Variants in ZMAT3 observed in about 807,000 individuals in gnomAD.
ZMAT3 encodes the protein zinc finger matrin-type protein 3.
ZMAT3 carries 17 observed loss-of-function variants against 32.3 expected under a neutral mutation model. That is an observed-to-expected ratio of 0.53 (90% CI 0.36 to 0.79). The LOEUF (loss-of-function observed/expected upper bound fraction) is 0.79, where lower values mean the gene tolerates loss of function less well. ZMAT3 is among the 30% of genes least tolerant of loss of function. The pLI is 0.00. For synonymous variants in ZMAT3, 120 were observed against 133.1 expected (o/e 0.90, Z 0.68); for missense variants, 329 against 359.7 (o/e 0.91, Z 0.69).
chr3:179,060,821 G>A (rs1426961912), intron 2 of ZMAT3, among the ~76,000 whole-genome samples: 1 of 151,088 alleles, frequency 6.6e-6, no homozygotes, highest in Admixed American at 6.6e-5. Flanking sequence ...AAGCTTCCAG[G>A]GGAAAAAAAA....
Position 179,019,832 on chromosome 3 carries a change from C to T in ZMAT3, c.*5185G>A, listed in dbSNP as rs1718456069. On this transcript the variant is annotated 3_prime_UTR_variant, in exon 6 of 6. Coordinates refer to ENST00000311417, the MANE Select transcript of ZMAT3 (RefSeq NM_022470.4). ...GCTGCAAATACATAATTTTTCCCCT[C>T]TCTACAGAAGACAAGTTTGAAAATG... 6.6e-6 allele frequency: 1 copy of T among 152,134 alleles called. No homozygotes were observed. Among genetic ancestry groups the T allele is most frequent in the African/African-American group, 2.4e-5 (1 of 41,436 alleles). The allele number at this position is 152,134 out of a possible 1,614,324, so 9.4% of individuals were successfully genotyped here. A position where few individuals can be genotyped will look rare whatever the true frequency, so the allele number is the denominator to read the frequency against.
chr3:179,051,379 G>A (rs2108570340), intron 2 of ZMAT3, among the ~76,000 whole-genome samples: 1 of 152,070 alleles, frequency 6.6e-6, no homozygotes, highest in African/African-American at 2.4e-5. Context: ...ATCAAATCAA[G>A]AACTCAGCCC....
intron 2 of ZMAT3, among the ~76,000 whole-genome samples, chr3:179,050,809 T>G (rs1186183591): frequency 6.6e-6 from 1 of 151,860 alleles, no homozygotes; most frequent in African/African-American, 2.4e-5. Context: ...TTAGGGATGG[T>G]TTTACATCTA....
At chr3:179,059,953 G>A (rs1721066518) in intron 2 of ZMAT3, among the ~76,000 whole-genome samples, 1 of 152,130 alleles carries the variant, frequency 6.6e-6, no homozygotes, top group South Asian at 2.1e-4. Flanking sequence ...CAGTAAGAGA[G>A]CTCACTAAAA....
chr3:179,017,828 G>A lies in ZMAT3; in HGVS notation c.*7189C>T, dbSNP rs1277741091. The A allele has an allele frequency of 6.6e-6, 1 of 152,132 alleles. No homozygotes were observed. The highest frequency in any genetic ancestry group is 2.4e-5 in the African/African-American group (1 of 41,436). The allele number at this position is 152,132 out of a possible 1,614,324, so 9.4% of individuals were successfully genotyped here. On this transcript the variant is annotated 3_prime_UTR_variant, in exon 6 of 6. Coordinates refer to ENST00000311417, the MANE Select transcript of ZMAT3 (RefSeq NM_022470.4). ...TGAATCTAGAGCATATTTCCAAGGA[G>A]AAGCAACTTATTGTCCCAGCAGATA... is the stretch of plus-strand genomic sequence containing the variant.
chr3:179,059,565 T>C (rs954945220), intron 2 of ZMAT3, among the ~76,000 whole-genome samples: 1 of 152,182 alleles, frequency 6.6e-6, no homozygotes, highest in African/African-American at 2.4e-5. Flanking sequence ...CTTGTTAAGT[T>C]TGTCTCTTCC....
rs372935625 is a variant in ZMAT3 at position 179,030,884 on chromosome 3, G to A, written c.386C>T (p.Pro129Leu). 47 of 1,612,432 alleles carry A rather than the reference G, an allele frequency of 2.9e-5. No individual in the cohort carries two copies. Among genetic ancestry groups the A allele is most frequent in the East Asian group, 2.5e-4 (11 of 44,796 alleles). ...ACCCTGACACACATGTCTCACCTGC[G>A]GAGGGACTGGAACAACTGGAGTAGC... ...PAATPVVPVP[P>L]QMGSFKPGGR... The change falls in exon 3 of 6, where the codon CCG becomes CTG. Residue 129 changes from proline to leucine, a missense_variant. Coordinates refer to ENST00000311417, the MANE Select transcript of ZMAT3 (RefSeq NM_022470.4).
chr3:179,054,454 G>A lies in ZMAT3; in HGVS notation c.270+13029C>T, dbSNP rs573641519. Among the ~76,000 whole-genome samples, 33 of 152,292 alleles carry A rather than the reference G, an allele frequency of 2.2e-4. No homozygotes were observed. In the East Asian group the frequency reaches 5.4e-3, roughly 25 times the overall value. ...TCCTATAAAACAGATGCTATGAATT[G>A]AGAATAAAAAATCTGGAAGTCTTAT... On this transcript the variant is annotated intron_variant, in intron 2 of 5. Coordinates refer to ENST00000311417, the MANE Select transcript of ZMAT3 (RefSeq NM_022470.4).
At chr3:179,051,291 T>G (rs1720542576) in intron 2 of ZMAT3, among the ~76,000 whole-genome samples, 1 of 152,126 alleles carries the variant, frequency 6.6e-6, no homozygotes, top group Non-Finnish European at 1.5e-5. Flanking sequence ...TCAGCAAAGT[T>G]TTAGGATACA....
chr3:179,049,803 T>C (rs892932519), intron 2 of ZMAT3, among the ~76,000 whole-genome samples: 33 of 151,778 alleles, frequency 2.2e-4, no homozygotes, highest in Non-Finnish European at 8.8e-5. Flanking sequence ...CCATCCTGGC[T>C]AACATGGTGA....
chr3:179,037,905 C>G (rs751408427), intron 2 of ZMAT3, among the ~76,000 whole-genome samples: 4 of 152,102 alleles, frequency 2.6e-5, no homozygotes, highest in Admixed American at 6.5e-5. Flanking sequence ...CCTCAAGAAG[C>G]TTTTCTAGGG....
chr3:179,035,817 G>C (rs1039649891), intron 2 of ZMAT3, among the ~76,000 whole-genome samples: 7 of 152,210 alleles, frequency 4.6e-5, no homozygotes, highest in Non-Finnish European at 1.0e-4. Context: ...TCTTACTCCT[G>C]CCTGAATGTA....
intron 2 of ZMAT3, among the ~76,000 whole-genome samples, chr3:179,058,439 T>A (rs1178142975): frequency 6.6e-6 from 1 of 152,158 alleles, no homozygotes; most frequent in South Asian, 2.1e-4. Flanking sequence ...TCAACTTGTA[T>A]ACTGATGGAA....
At chr3:179,039,263 G>A (rs920947512) in intron 2 of ZMAT3, among the ~76,000 whole-genome samples, 1 of 152,224 alleles carries the variant, frequency 6.6e-6, no homozygotes, top group Non-Finnish European at 1.5e-5. Context: ...TCTTCAAGTG[G>A]CTCCTTGACC....
At position 179,021,110 on chromosome 3, in the gene ZMAT3, G is replaced by A. The variant is rs1323883454; in HGVS notation, c.*3907C>T. On this transcript the variant is annotated 3_prime_UTR_variant, in exon 6 of 6. Coordinates refer to ENST00000311417, the MANE Select transcript of ZMAT3 (RefSeq NM_022470.4). ...TTAAAAGGTCAGTGAAGAAGAGTTG[G>A]AGGAGGAACTTTTTCCAAATAAATG... 1.3e-5 allele frequency: 2 copies of A among 152,196 alleles called. No individual in the cohort carries two copies. Among genetic ancestry groups the A allele is most frequent in the East Asian group, 3.9e-4 (2 of 5,194 alleles). 9.4% of individuals were successfully genotyped at this position (152,196 alleles called of 1,614,324 possible). A position where few individuals can be genotyped will look rare whatever the true frequency, so the allele number is the denominator to read the frequency against.
At chr3:179,051,967 C>T (rs1175514423) in intron 2 of ZMAT3, among the ~76,000 whole-genome samples, 1 of 152,138 alleles carries the variant, frequency 6.6e-6, no homozygotes, top group Non-Finnish European at 1.5e-5. Flanking sequence ...AGATAATTGG[C>T]AAGTCGCACG....
At chr3:179,041,675 T>C (rs1719936287) in intron 2 of ZMAT3, among the ~76,000 whole-genome samples, 1 of 152,066 alleles carries the variant, frequency 6.6e-6, no homozygotes, top group Non-Finnish European at 1.5e-5. Flanking sequence ...TTAAAAGAAC[T>C]AGAGAAGTAA....
At chr3:179,045,430 G>A (rs569627521) in intron 2 of ZMAT3, among the ~76,000 whole-genome samples, 1 of 152,302 alleles carries the variant, frequency 6.6e-6, no homozygotes, top group East Asian at 1.9e-4. Context: ...TATTCATACA[G>A]AGGAACACTA....
chr3:179,068,104 C>A (rs1422636233), intron 1 of ZMAT3, among the ~76,000 whole-genome samples: 1 of 152,196 alleles, frequency 6.6e-6, no homozygotes, highest in Admixed American at 6.5e-5. Flanking sequence ...ACGGCTAAAT[C>A]TAAAAGTCAC....
Sources: allele counts gnomAD v4.1 joint callset (sites outside exome capture counted in the v4.1 genomes callset), GRCh38; gene constraint gnomAD v4.1.1; transcripts MANE v1.5; gene names NCBI Gene and HGNC (gene_info 2026-07-23, HGNC 2026-07-21).